Variants in MTAP observed in about 807,000 individuals in gnomAD.
MTAP encodes methylthioadenosine phosphorylase, also known as S-methyl-5'-thioadenosine phosphorylase.
Under a neutral mutation model 33.6 loss-of-function variants are expected in MTAP, and 33 were observed. The ratio of observed to expected loss-of-function variants is 0.98; its 90% confidence interval spans 0.74 to 1.31. The LOEUF (loss-of-function observed/expected upper bound fraction) is 1.31, where lower values mean the gene tolerates loss of function less well. Among genes scored for constraint, MTAP ranks in the 40% most tolerant of loss-of-function variants. MTAP has a pLI of 0.00. For missense variants in MTAP, 367 were observed against 360.0 expected (o/e 1.02, Z -0.16); for synonymous variants, 148 against 125.7 (o/e 1.18, Z -1.19).
chr9:21,838,166 A>G (rs867723531), intron 5 of MTAP, among the ~76,000 whole-genome samples, 156 bp downstream of exon 5: 1 of 152,202 alleles, frequency 6.6e-6, no homozygotes, highest in Non-Finnish European at 1.5e-5. Context: ...TCCTGTTGCT[A>G]ATAATTTCCT....
chr9:21,928,035 A>G (rs987555715), intron 1 of MTAP, among the ~76,000 whole-genome samples: 1 of 152,200 alleles, frequency 6.6e-6, no homozygotes, highest in Admixed American at 6.5e-5. Flanking sequence ...GCCATCTCAA[A>G]AGACACCTCT....
intron 1 of MTAP, chr9:21,803,105 G>C: frequency 1.8e-6 from 1 of 542,040 alleles, no homozygotes; most frequent in Non-Finnish European, 2.9e-6. Context: ...AGAGGTCGTG[G>C]ATGGGAGAGG....
intron 5 of MTAP, among the ~76,000 whole-genome samples, chr9:21,853,868 A>G (rs888461971): frequency 1.3e-5 from 2 of 152,244 alleles, no homozygotes; most frequent in African/African-American, 2.4e-5. Flanking sequence ...GTTAAGTTGA[A>G]AAGACTTTTT....
At chr9:21,892,200 G>GC (rs1478279580) in intron 1 of MTAP, 2 of 152,084 alleles carry the variant, frequency 1.3e-5, no homozygotes, top group African/African-American at 4.8e-5. Context: ...ACATTATAAA[G>GC]CAACTACACA....
intron 1 of MTAP, among the ~76,000 whole-genome samples, chr9:21,913,415 T>C (rs1420755489): frequency 2.6e-5 from 4 of 152,198 alleles, no homozygotes; most frequent in Admixed American, 2.0e-4. Context: ...AGCATGGTAC[T>C]GGTACCAAAA....
intron 5 of MTAP, among the ~76,000 whole-genome samples, chr9:21,851,952 T>C (rs1825522246): frequency 6.6e-6 from 1 of 152,202 alleles, no homozygotes; most frequent in Non-Finnish European, 1.5e-5. Context: ...AGCCTGCAGA[T>C]GGCCCATTGT....
chr9:21,842,987 T>C (rs770722350), intron 5 of MTAP, among the ~76,000 whole-genome samples: 1 of 152,134 alleles, frequency 6.6e-6, no homozygotes, highest in Non-Finnish European at 1.5e-5. Context: ...TGGATAAAAA[T>C]CTACCAACTA....
intron 5 of MTAP, among the ~76,000 whole-genome samples, chr9:21,844,750 A>G (rs902726646): frequency 2.6e-5 from 4 of 152,216 alleles, no homozygotes; most frequent in African/African-American, 9.6e-5. Context: ...AAAGCCATCT[A>G]TGGGCTGGGC....
chr9:21,900,638 C>G (rs1042227405), intron 1 of MTAP, among the ~76,000 whole-genome samples: 1 of 152,114 alleles, frequency 6.6e-6, no homozygotes, highest in African/African-American at 2.4e-5. Context: ...AACAAAACTA[C>G]CATTCAACCC....
At chr9:21,824,770 C>G (rs1280001094) in intron 4 of MTAP, among the ~76,000 whole-genome samples, 1 of 152,214 alleles carries the variant, frequency 6.6e-6, no homozygotes, top group African/African-American at 2.4e-5. Context: ...TTCCCAGCCA[C>G]TTTGTTTACC....
intron 1 of MTAP, among the ~76,000 whole-genome samples, chr9:21,899,800 C>G (rs1264522980): frequency 6.6e-6 from 1 of 152,108 alleles, no homozygotes; most frequent in Non-Finnish European, 1.5e-5. Flanking sequence ...AACACAGAGC[C>G]AAACCATATC....
intron 1 of MTAP, among the ~76,000 whole-genome samples, chr9:21,890,080 G>A (rs775975098): frequency 1.9e-4 from 29 of 151,962 alleles, no homozygotes; most frequent in Non-Finnish European, 3.8e-4. Context: ...AGGATTAGGT[G>A]TGTCTGAGCT....
chr9:21,816,470 A>C (rs567063786), intron 2 of MTAP, among the ~76,000 whole-genome samples: 2 of 152,216 alleles, frequency 1.3e-5, no homozygotes, highest in Non-Finnish European at 2.9e-5. Context: ...CGTTACAAAT[A>C]GATCTGACTA....
chr9:21,850,169 AT>A (rs1192104582), intron 5 of MTAP, among the ~76,000 whole-genome samples: 1 of 152,258 alleles, frequency 6.6e-6, no homozygotes, highest in Non-Finnish European at 1.5e-5. Context: ...TTGGTGAGGC[AT>A]TTGCATGCCA....
intron 4 of MTAP, among the ~76,000 whole-genome samples, chr9:21,831,452 G>A (rs757526534): frequency 7.9e-5 from 12 of 151,848 alleles, no homozygotes; most frequent in Admixed American, 1.3e-4. Flanking sequence ...TCCTCAGCCC[G>A]TCTAGTAGCT....
At chr9:21,832,638 T>G (rs1358685661) in intron 4 of MTAP, among the ~76,000 whole-genome samples, 1 of 152,222 alleles carries the variant, frequency 6.6e-6, no homozygotes, top group Non-Finnish European at 1.5e-5. Flanking sequence ...TGAAGTGGTG[T>G]CCACTATTCC....
rs140120880 is a variant in MTAP, at chr9:21,906,336, GA to G, written c.148-24664del. Among the ~76,000 whole-genome samples the G allele has an allele frequency of 2.1e-3, 316 of 151,790 alleles. 8 individuals carry two copies. The highest frequency in any genetic ancestry group is 0.02 in the Admixed American group (302 of 15,258). ...GAAAACAAAGTAGAATTGAAGACGT[GA>G]AAAAAAACATTAAAAATAAAAATCA... On this transcript the variant is annotated intron_variant, in intron 1 of 1. Transcript: ENST00000577563.
At chr9:21,814,019 T>C (rs1185978173) in intron 1 of MTAP, 1 of 152,240 alleles carries the variant, frequency 6.6e-6, no homozygotes, top group Admixed American at 6.5e-5. Context: ...GTTAACCTGC[T>C]GTGGTTTTAA....
chr9:21,859,393 A>G lies in MTAP; in HGVS notation c.781A>G (p.Thr261Ala). 6.2e-7 allele frequency: 1 copy of G among 1,613,526 alleles called. No individual in the cohort carries two copies. The highest frequency in any genetic ancestry group is 1.1e-5 in the South Asian group (1 of 90,878). ...CACTACCATACCTCAGATAGGGTCC[A>G]CAGAATGGTCAGAAACCCTCCATAA... ...LLTTIPQIGS[T>A]EWSETLHNLK... Residue 261 changes from threonine to alanine, a missense_variant, in exon 7 of 8, where the codon ACA (threonine) becomes GCA (alanine). Thr to Ala is a moderately conservative substitution (Grantham distance 58). Coordinates refer to ENST00000644715, the MANE Select transcript of MTAP (RefSeq NM_002451.4).
Sources: allele counts gnomAD v4.1 joint callset (sites outside exome capture counted in the v4.1 genomes callset), GRCh38; gene constraint gnomAD v4.1.1; transcripts MANE v1.5; gene names NCBI Gene and HGNC (gene_info 2026-07-23, HGNC 2026-07-21).